KCNH8: variants seen among roughly 807,000 people sequenced by gnomAD.
KCNH8 encodes voltage-gated delayed rectifier potassium channel KCNH8.
Under a neutral mutation model 103.6 loss-of-function variants are expected in KCNH8, and 70 were observed. That is an observed-to-expected ratio of 0.68 (90% CI 0.56 to 0.82). The LOEUF is 0.82. KCNH8 is among the 40% of genes least tolerant of loss of function. The pLI is 0.00. For missense variants in KCNH8, 1,217 were observed against 1,329.9 expected (o/e 0.92, Z 1.32); for synonymous variants, 498 against 489.4 (o/e 1.02, Z -0.23).
intron 9 of KCNH8, 194 bp from the exon 10 acceptor site, chr3:19,450,961 G>T: frequency 1.7e-6 from 1 of 598,282 alleles, no homozygotes; most frequent in Non-Finnish European, 3.0e-6. Context: ...CTTATCAGCT[G>T]ATTATTCAGT....
intron 7 of KCNH8, among the ~76,000 whole-genome samples, chr3:19,416,567 C>T (rs920409153): frequency 2.6e-5 from 4 of 152,114 alleles, no homozygotes; most frequent in Non-Finnish European, 2.9e-5. Flanking sequence ...ATTATTCCCT[C>T]ATGTGTTTTG....
At chr3:19,486,160 C>G (rs1269319651) in intron 11 of KCNH8, among the ~76,000 whole-genome samples, 1 of 152,246 alleles carries the variant, frequency 6.6e-6, no homozygotes, top group Non-Finnish European at 1.5e-5. Context: ...TCCCAGTCTA[C>G]TGAGATGCCC....
chr3:19,414,273 T>G (rs2066829499), intron 7 of KCNH8, among the ~76,000 whole-genome samples: 1 of 152,086 alleles, frequency 6.6e-6, no homozygotes, highest in South Asian at 2.1e-4. Context: ...TACTCAAATG[T>G]TAAAGTGTCA....
chr3:19,244,431 T>G (rs1413956401), intron 1 of KCNH8, among the ~76,000 whole-genome samples: 1 of 152,168 alleles, frequency 6.6e-6, no homozygotes, highest in Non-Finnish European at 1.5e-5. Flanking sequence ...TGTTTTTGTT[T>G]TTTGTTGTTG....
At chr3:19,340,850 G>A (rs1192731036) in intron 3 of KCNH8, among the ~76,000 whole-genome samples, 1 of 152,108 alleles carries the variant, frequency 6.6e-6, no homozygotes, top group Non-Finnish European at 1.5e-5. Flanking sequence ...CCTTCTTGGA[G>A]GAAATAATTC....
intron 1 of KCNH8, among the ~76,000 whole-genome samples, chr3:19,155,048 A>G (rs2063167870): frequency 1.3e-5 from 2 of 152,244 alleles, no homozygotes; most frequent in African/African-American, 4.8e-5. Flanking sequence ...TTATTGGATT[A>G]TAAATTCCCT....
intron 7 of KCNH8, among the ~76,000 whole-genome samples, chr3:19,417,158 T>C (rs1292331182): frequency 1.3e-5 from 2 of 148,904 alleles, no homozygotes; most frequent in Non-Finnish European, 3.0e-5. Flanking sequence ...AAGATATATA[T>C]ATAATCTAAT....
At chr3:19,350,359 G>C (rs1456194960) in intron 5 of KCNH8, among the ~76,000 whole-genome samples, 1 of 152,064 alleles carries the variant, frequency 6.6e-6, no homozygotes, top group East Asian at 1.9e-4. Context: ...TTCCCTGTCT[G>C]ACAGCTTTGA....
intron 1 of KCNH8, 58 bp downstream of exon 1, chr3:19,148,853 C>T: frequency 4.1e-6 from 6 of 1,460,832 alleles, no homozygotes; most frequent in Non-Finnish European, 4.8e-6. Context: ...TTTTCTCGTA[C>T]ACATTACTTT....
Position 19,419,446 on chromosome 3 carries a change from C to A in KCNH8, c.1178-18718C>A, listed in dbSNP as rs187911150. 7.9e-3 allele frequency among the ~76,000 whole-genome samples: 1,193 copies of A among 151,412 alleles called. 20 individuals carry two copies. The highest frequency in any genetic ancestry group is 0.027 in the African/African-American group (1,102 of 41,264). ...CGATCTCCTGACCTCGTGATCCGCC[C>A]GCCTCGGCCTCCCAAAGTGCTGGGA... On this transcript the variant is annotated intron_variant, in intron 7 of 15. Coordinates refer to ENST00000328405, the MANE Select transcript of KCNH8 (RefSeq NM_144633.3).
intron 3 of KCNH8, among the ~76,000 whole-genome samples, chr3:19,287,805 C>T (rs947318381): frequency 6.6e-6 from 1 of 152,102 alleles, no homozygotes; most frequent in South Asian, 2.1e-4. Context: ...AGGATGGTCT[C>T]GATCTTGTGA....
intron 12 of KCNH8, among the ~76,000 whole-genome samples, chr3:19,512,509 C>T (rs935421703): frequency 6.6e-6 from 1 of 152,260 alleles, no homozygotes; most frequent in Non-Finnish European, 1.5e-5. Flanking sequence ...AAGAATAATG[C>T]AATTTTGCTG....
At chr3:19,504,171 C>T (rs2068647671) in intron 11 of KCNH8, among the ~76,000 whole-genome samples, 1 of 152,008 alleles carries the variant, frequency 6.6e-6, no homozygotes, top group Non-Finnish European at 1.5e-5. Context: ...CCCTTTCTTT[C>T]ACCATATATA....
intron 11 of KCNH8, among the ~76,000 whole-genome samples, chr3:19,481,352 T>G (rs2068083228): frequency 6.6e-6 from 1 of 152,052 alleles, no homozygotes; most frequent in African/African-American, 2.4e-5. Flanking sequence ...TTTTGTCTAA[T>G]TTACTTCCTT....
intron 15 of KCNH8, among the ~76,000 whole-genome samples, chr3:19,527,681 T>C (rs577123777): frequency 6.6e-6 from 1 of 152,196 alleles, no homozygotes; most frequent in South Asian, 2.1e-4. Context: ...TGGTAGTCAG[T>C]GATTCCCTTC....
chr3:19,351,969 A>T (rs1304251798), intron 5 of KCNH8, among the ~76,000 whole-genome samples: 1 of 152,176 alleles, frequency 6.6e-6, no homozygotes, highest in Non-Finnish European at 1.5e-5. Context: ...AAGACCCATC[A>T]GTGTGCTGTA....
intron 13 of KCNH8, among the ~76,000 whole-genome samples, chr3:19,514,687 A>C (rs2068843643): frequency 6.6e-6 from 1 of 151,732 alleles, no homozygotes; most frequent in Admixed American, 6.6e-5. Context: ...ATACTGATTT[A>C]AATATAATTA....
intron 3 of KCNH8, among the ~76,000 whole-genome samples, chr3:19,334,464 G>A (rs1233905667): frequency 6.6e-6 from 1 of 151,900 alleles, no homozygotes; most frequent in Non-Finnish European, 1.5e-5. Context: ...ACAAAGCAGG[G>A]CTTAATTTGT....
intron 5 of KCNH8, among the ~76,000 whole-genome samples, chr3:19,349,230 C>T (rs962933951): frequency 2.0e-5 from 3 of 151,928 alleles, no homozygotes; most frequent in Non-Finnish European, 4.4e-5. Context: ...ATAAAGGGAT[C>T]TATTAAATAA....
Sources: gnomAD v4.1 joint callset for allele counts (sites outside exome capture counted in the v4.1 genomes callset) on GRCh38, gnomAD v4.1.1 for gene constraint, MANE v1.5 for transcripts, NCBI Gene and HGNC (gene_info 2026-07-23, HGNC 2026-07-21) for gene names.